NFATC1: variants seen among roughly 807,000 people sequenced by gnomAD.
The protein encoded by NFATC1 is nuclear factor of activated T cells 1, also known as nuclear factor of activated T-cells, cytoplasmic 1.
A neutral mutation model predicts 76.0 loss-of-function variants in NFATC1; 22 were observed. The ratio of observed to expected loss-of-function variants is 0.29; its 90% CI spans 0.21 to 0.41. The LOEUF (loss-of-function observed/expected upper bound fraction) is 0.41. Ranked by LOEUF, NFATC1 falls within the 10% of genes least tolerant of loss-of-function variation. The probability of loss-of-function intolerance (pLI) is 1.00; values close to 1 mark genes in which losing one functional copy is unlikely to be tolerated. For missense variants in NFATC1, 1,357 were observed against 1,337.7 expected (o/e 1.01, Z -0.23); for synonymous variants, 704 against 613.1 (o/e 1.15, Z -2.19).
chr18:79,528,083 A>G lies in NFATC1; in HGVS notation c.*506A>G. ...GAGAACGCTGGAAGGCTGCGAGAGG[A>G]CTCTAGTATGAGTCTCCAACATTTG... On this transcript the variant is annotated 3_prime_UTR_variant, in exon 10 of 10. Coordinates refer to ENST00000427363, the MANE Select transcript of NFATC1 (RefSeq NM_001278669.2). 1 of 401,760 alleles carries G rather than the reference A, an allele frequency of 2.5e-6. No individual in the cohort carries two copies. Among genetic ancestry groups the G allele is most frequent in the Non-Finnish European group, 4.4e-6 (1 of 228,278 alleles). The allele number at this position is 401,760 out of a possible 1,614,324, so 24.9% of individuals were successfully genotyped here.
chr18:79,419,861 G>A (rs757976483), intron 2 of NFATC1, among the ~76,000 whole-genome samples: 6 of 152,200 alleles, frequency 3.9e-5, no homozygotes, highest in Non-Finnish European at 5.9e-5. Context: ...GGAGTTGGAG[G>A]GCAACAGTTA....
intron 2 of NFATC1, among the ~76,000 whole-genome samples, chr18:79,412,838 CCT>C (rs964895015): frequency 8.5e-5 from 13 of 152,184 alleles, no homozygotes; most frequent in Non-Finnish European, 2.9e-5. Context: ...AAGGATTACC[CCT>C]GATTTTTCTT....
intron 8 of NFATC1, among the ~76,000 whole-genome samples, chr18:79,477,632 C>A (rs1278660883): frequency 6.7e-6 from 1 of 148,872 alleles, no homozygotes; most frequent in South Asian, 2.1e-4. Context: ...GCACCACCGG[C>A]CGTACTGTTG....
At chr18:79,427,422 CGGTGGGTGGG>C (rs2086390465) in intron 2 of NFATC1, among the ~76,000 whole-genome samples, 2 of 27,576 alleles carry the variant, frequency 7.3e-5, no homozygotes, top group African/African-American at 3.9e-4. Flanking sequence ...GGCCTCTGTG[CGGTGGGTGGG>C]GGGGAGCTGG....
chr18:79,480,580 G>T (rs1477095829), intron 8 of NFATC1, among the ~76,000 whole-genome samples: 1 of 152,192 alleles, frequency 6.6e-6, no homozygotes, highest in African/African-American at 2.4e-5. Flanking sequence ...CCAAGTGGCT[G>T]GAGAGATGCG....
intron 2 of NFATC1, among the ~76,000 whole-genome samples, chr18:79,428,278 A>G (rs2086468828): frequency 1.3e-5 from 2 of 152,168 alleles, no homozygotes; most frequent in Non-Finnish European, 2.9e-5. Context: ...GTTTGTTTTT[A>G]TTATTTGTAT....
intron 8 of NFATC1, among the ~76,000 whole-genome samples, chr18:79,480,044 G>C (rs113265591): frequency 0.024 from 3,591 of 152,332 alleles, 134 homozygotes; most frequent in African/African-American, 0.081. Flanking sequence ...TGCAGGGTCA[G>C]CCCAGGCCAC....
intron 9 of NFATC1, among the ~76,000 whole-genome samples, chr18:79,509,709 A>G (rs2090199274): frequency 6.6e-6 from 1 of 152,234 alleles, no homozygotes; most frequent in Non-Finnish European, 1.5e-5. Flanking sequence ...GTCTGAGCTG[A>G]ACACCCATGA....
intron 3 of NFATC1, among the ~76,000 whole-genome samples, chr18:79,442,850 C>T (rs1475107044): frequency 1.3e-5 from 2 of 151,966 alleles, no homozygotes; most frequent in African/African-American, 4.8e-5. Context: ...ACCCAGACAG[C>T]TCCCCACTCC....
intron 9 of NFATC1, among the ~76,000 whole-genome samples, chr18:79,506,833 G>C (rs1370693500): frequency 6.6e-6 from 1 of 152,136 alleles, no homozygotes; most frequent in East Asian, 1.9e-4. Context: ...GTCTGGGTGT[G>C]GAATTTTGAG....
rs2090806413 is a variant in NFATC1, at chr18:79,527,682, C to A, written c.*105C>A. 8 of 994,474 alleles carry A rather than the reference C, an allele frequency of 8.0e-6. No individual in the cohort carries two copies. The Admixed American group carries it at 1.4e-4, about 17-fold the overall frequency. 61.6% of individuals were successfully genotyped at this position (994,474 alleles called of 1,614,324 possible). A position where few individuals can be genotyped will look rare whatever the true frequency, so the allele number is the denominator to read the frequency against. On this transcript the variant is annotated 3_prime_UTR_variant, in exon 10 of 10. Coordinates refer to ENST00000427363, the MANE Select transcript of NFATC1 (RefSeq NM_001278669.2). ...CACACCTGGTACCACTCAGAACCTC[C>A]AACTGACTGAATGCCAGGAGCTGAA...
At chr18:79,512,290 G>A (rs762169095) in intron 9 of NFATC1, among the ~76,000 whole-genome samples, 7 of 152,258 alleles carry the variant, frequency 4.6e-5, no homozygotes, top group African/African-American at 1.4e-4. Flanking sequence ...GTAAATAAAC[G>A]GAAAAGCGTC....
rs1350427347 is a variant in NFATC1, at chr18:79,461,194, T to A, written c.1904-117T>A. On this transcript the variant is annotated intron_variant, in intron 6 of 9. Coordinates refer to ENST00000427363, the MANE Select transcript of NFATC1 (RefSeq NM_001278669.2). ...GCCCTGGGATGGGCCTACGTGGGTC[T>A]CCTGGGACAAGGCGCCCTCCTGGCT... 10 of 1,198,086 alleles carry A rather than the reference T, an allele frequency of 8.3e-6. No homozygotes were observed. In the East Asian group the frequency reaches 2.2e-4, roughly 27 times the overall value. The allele number at this position is 1,198,086 out of a possible 1,614,324, so 74.2% of individuals were successfully genotyped here. A position where few individuals can be genotyped will look rare whatever the true frequency, so the allele number is the denominator to read the frequency against.
chr18:79,477,505 G>C (rs992658402), intron 8 of NFATC1, among the ~76,000 whole-genome samples: 1 of 152,104 alleles, frequency 6.6e-6, no homozygotes, highest in Non-Finnish European at 1.5e-5. Flanking sequence ...GGAAGAAGGG[G>C]GTCCGGGGCA....
intron 9 of NFATC1, among the ~76,000 whole-genome samples, chr18:79,520,719 G>GA (rs2090514048): frequency 2.8e-5 from 2 of 71,076 alleles, no homozygotes; most frequent in Non-Finnish European, 2.8e-5. Flanking sequence ...GTGTGTGGGG[G>GA]GGGGGCATCC....
intron 3 of NFATC1, among the ~76,000 whole-genome samples, chr18:79,442,125 G>C (rs1209421465): frequency 6.6e-6 from 1 of 152,202 alleles, no homozygotes; most frequent in Non-Finnish European, 1.5e-5. Context: ...GGCACAGGTT[G>C]GGAGAGCAGC....
At chr18:79,464,702 A>ATAT (rs1425452711) in intron 7 of NFATC1, among the ~76,000 whole-genome samples, 26 of 69,300 alleles carry the variant, frequency 3.8e-4, no homozygotes, top group African/African-American at 5.9e-4. Flanking sequence ...ATATTTATTT[A>ATAT]TTTATTTATT....
At chr18:79,456,343 G>A (rs563957472) in intron 6 of NFATC1, among the ~76,000 whole-genome samples, 103 of 152,312 alleles carry the variant, frequency 6.8e-4, no homozygotes, top group African/African-American at 1.7e-3. Flanking sequence ...CCTCCTGTCC[G>A]CCCAGAGAGC....
chr18:79,420,966 C>T (rs1223062471), intron 2 of NFATC1: 1 of 152,422 alleles, frequency 6.6e-6, no homozygotes, highest in African/African-American at 2.4e-5. Context: ...AGGGAGGCCC[C>T]TCCAGCAGGG....
Sources: gnomAD v4.1 joint callset for allele counts (sites outside exome capture counted in the v4.1 genomes callset) on GRCh38, gnomAD v4.1.1 for gene constraint, MANE v1.5 for transcripts, NCBI Gene and HGNC (gene_info 2026-07-23, HGNC 2026-07-21) for gene names.